The following RILPL1 variants were observed in gnomAD, a reference collection of about 807,000 sequenced individuals.
The protein encoded by RILPL1 is Rab interacting lysosomal protein like 1.
RILPL1 carries 33 observed loss-of-function variants against 50.3 expected under a neutral mutation model. The ratio of observed to expected loss-of-function variants is 0.66; its 90% CI spans 0.50 to 0.88. The LOEUF is 0.88. Among genes scored for constraint, RILPL1 ranks in the 40% least tolerant of loss-of-function variants. The probability of loss-of-function intolerance (pLI) is 0.00; values close to 1 mark genes in which losing one functional copy is unlikely to be tolerated. For missense variants in RILPL1, 418 were observed against 542.5 expected (o/e 0.77, Z 2.28); for synonymous variants, 205 against 228.6 (o/e 0.90, Z 0.93).
intron 6 of RILPL1, among the ~76,000 whole-genome samples, chr12:123,481,601 A>G (rs947213457): frequency 2.6e-5 from 4 of 151,574 alleles, no homozygotes; most frequent in Non-Finnish European, 4.4e-5. Flanking sequence ...TTGTTGCCCA[A>G]ACTGGAGTGC....
At chr12:123,512,755 GT>G (rs1884427473) in intron 2 of RILPL1, among the ~76,000 whole-genome samples, 1 of 138,298 alleles carries the variant, frequency 7.2e-6, no homozygotes, top group African/African-American at 2.7e-5. Context: ...GTGTGTGTGT[GT>G]GGTATGTGTG....
intron 2 of RILPL1, among the ~76,000 whole-genome samples, chr12:123,511,264 G>GAGGTC (rs1884161543): frequency 1.3e-5 from 2 of 148,440 alleles, no homozygotes; most frequent in Admixed American, 6.7e-5. Context: ...AGGTCTGTGT[G>GAGGTC]TGTGTGGTGT....
At chr12:123,494,952 C>T (rs1035031595) in intron 4 of RILPL1, among the ~76,000 whole-genome samples, 8 of 152,212 alleles carry the variant, frequency 5.3e-5, no homozygotes, top group Non-Finnish European at 1.2e-4. Flanking sequence ...TTTATCCTTC[C>T]CTCAGGTCTT....
intron 2 of RILPL1, among the ~76,000 whole-genome samples, chr12:123,509,723 C>T (rs540083987): frequency 3.5e-4 from 54 of 152,308 alleles, no homozygotes; most frequent in African/African-American, 1.3e-3. Flanking sequence ...CAGACGTGGA[C>T]GTCGTTTTCG....
intron 1 of RILPL1, among the ~76,000 whole-genome samples, chr12:123,530,076 A>G (rs1444505601): frequency 6.6e-6 from 1 of 152,134 alleles, no homozygotes; most frequent in Admixed American, 6.6e-5. Flanking sequence ...ATATCAAATG[A>G]TAAGTTTTTA....
chr12:123,484,103 G>C, intron 6 of RILPL1, 77 bp downstream of exon 6: 1 of 912,714 alleles, frequency 1.1e-6, no homozygotes, highest in Non-Finnish European at 1.7e-6. Flanking sequence ...CTGGGAGCAG[G>C]TGCCAAGGAG....
chr12:123,492,246 T>C (rs886623784), intron 4 of RILPL1, among the ~76,000 whole-genome samples: 2 of 151,298 alleles, frequency 1.3e-5, no homozygotes, highest in Non-Finnish European at 2.9e-5. Flanking sequence ...TATATATATA[T>C]ACATATAATC....
intron 1 of RILPL1, among the ~76,000 whole-genome samples, chr12:123,527,512 C>T (rs936659041): frequency 6.6e-6 from 1 of 151,966 alleles, no homozygotes; most frequent in Non-Finnish European, 1.5e-5. Context: ...TGGCGTGCAC[C>T]TGAAATCCTA....
chr12:123,507,628 A>G (rs1245931554), intron 2 of RILPL1, among the ~76,000 whole-genome samples: 3 of 151,200 alleles, frequency 2.0e-5, no homozygotes, highest in African/African-American at 4.9e-5. Flanking sequence ...ACCTTTATAC[A>G]CTGCTGATGG....
chr12:123,520,313 C>T (rs1884952168), intron 2 of RILPL1, among the ~76,000 whole-genome samples: 1 of 152,204 alleles, frequency 6.6e-6, no homozygotes, highest in Non-Finnish European at 1.5e-5. Context: ...AATCCCAACA[C>T]TTTGGGAGGC....
chr12:123,522,513 T>C lies in RILPL1; in HGVS notation c.460+982A>G. Reference sequence around the variant, plus strand: ...TCTTCCCAGCACACTTAGAATAAAATCCAAACCTCAGCCTCTAAGGAGCTA... The same window carrying C: ...TCTTCCCAGCACACTTAGAATAAAACCCAAACCTCAGCCTCTAAGGAGCTA... On this transcript the variant is annotated intron_variant, in intron 2 of 6. Transcript: ENST00000376874. The surrounding 1 kb of genome is among the most constrained non-coding windows in gnomAD (Gnocchi z 4.0). Among the ~76,000 whole-genome samples, 1 of 152,066 alleles carries C rather than the reference T, an allele frequency of 6.6e-6. No individual in the cohort carries two copies.
chr12:123,511,258 CTGTG>C (rs1276674928), intron 2 of RILPL1, among the ~76,000 whole-genome samples: 88 of 62,158 alleles, frequency 1.4e-3, no homozygotes, highest in African/African-American at 6.2e-3. Flanking sequence ...TGTGTGAGGT[CTGTG>C]TGTGTGTGGT....
intron 4 of RILPL1, among the ~76,000 whole-genome samples, chr12:123,490,882 C>G (rs1046668035): frequency 1.3e-5 from 2 of 152,008 alleles, no homozygotes; most frequent in African/African-American, 2.4e-5. Context: ...TCTCAAGTAG[C>G]TGGGAGTACA....
chr12:123,522,066 T>C lies in RILPL1; in HGVS notation c.460+1429A>G, dbSNP rs1885087613. 6.6e-6 allele frequency among the ~76,000 whole-genome samples: 1 copy of C among 152,138 alleles called. No homozygotes were observed. The highest frequency in any genetic ancestry group is 1.5e-5 in the Non-Finnish European group (1 of 68,012). ...GATTACAGGCGTGAGCCACTGTGCC[T>C]GGCCTTTAGTGCCATACTTGATTCT... On this transcript the variant is annotated intron_variant, in intron 2 of 6. Transcript: ENST00000376874. This position sits in a 1 kb window ranked among gnomAD's most constrained non-coding sequence, Gnocchi z 4.0.
At chr12:123,494,213 C>G (rs1357036056) in intron 4 of RILPL1, among the ~76,000 whole-genome samples, 2 of 152,186 alleles carry the variant, frequency 1.3e-5, no homozygotes, top group African/African-American at 2.4e-5. Flanking sequence ...AATTGACCAC[C>G]AAAGAGATGG....
At chr12:123,512,815 CTGTG>C (rs1566137717) in intron 2 of RILPL1, among the ~76,000 whole-genome samples, 1 of 103,842 alleles carries the variant, frequency 9.6e-6, no homozygotes, top group East Asian at 3.3e-4. Flanking sequence ...GGTGTGAGAT[CTGTG>C]TATGTGTGAG....
intron 6 of RILPL1, chr12:123,475,792 G>T (rs1395732687): frequency 7.6e-7 from 1 of 1,313,094 alleles, no homozygotes; most frequent in Non-Finnish European, 1.1e-6. Flanking sequence ...AGATAAAAAC[G>T]GGAGGCATGA....
chr12:123,532,915 C>A (rs1885489822), intron 1 of RILPL1, among the ~76,000 whole-genome samples: 1 of 152,038 alleles, frequency 6.6e-6, no homozygotes, highest in African/African-American at 2.4e-5. Context: ...AAGTAACTTA[C>A]CTAAAGTCAC....
At chr12:123,494,210 C>G (rs1882885077) in intron 4 of RILPL1, among the ~76,000 whole-genome samples, 1 of 152,198 alleles carries the variant, frequency 6.6e-6, no homozygotes, top group East Asian at 1.9e-4. Flanking sequence ...CGAAATTGAC[C>G]ACCAAAGAGA....
Sources: gnomAD v4.1 joint callset for allele counts (sites outside exome capture counted in the v4.1 genomes callset) on GRCh38, gnomAD v4.1.1 for gene constraint, Gnocchi (gnomAD v3.1) non-coding constraint, MANE v1.5 for transcripts, NCBI Gene and HGNC (gene_info 2026-07-23, HGNC 2026-07-21) for gene names.